The following GLRB variants were observed in gnomAD, a reference collection of about 807,000 sequenced individuals.
GLRB encodes glycine receptor beta.
GLRB carries 33 observed loss-of-function variants against 54.2 expected under a neutral mutation model. The observed-to-expected ratio is 0.61, with a 90% CI of 0.46 to 0.81. The LOEUF (loss-of-function observed/expected upper bound fraction) is 0.81. Among genes scored for constraint, GLRB ranks in the 40% least tolerant of loss-of-function variants. GLRB has a pLI of 0.00. For missense variants in GLRB, 572 were observed against 584.6 expected (o/e 0.98, Z 0.22); for synonymous variants, 209 against 208.2 (o/e 1.00, Z -0.03).
chr4:157,112,830 T>C (rs1241466086), intron 2 of GLRB, among the ~76,000 whole-genome samples: 1 of 151,954 alleles, frequency 6.6e-6, no homozygotes, highest in Non-Finnish European at 1.5e-5. Context: ...AGCTCTGAAC[T>C]GTAGGCAGCC....
In GLRB at chr4:157,152,784, C is replaced by T. The variant is rs868460883; in HGVS notation, c.971C>T (p.Ser324Phe). 1 of 1,613,658 alleles carries T rather than the reference C, an allele frequency of 6.2e-7. No individual in the cohort carries two copies. Among genetic ancestry groups the T allele is most frequent in the South Asian group, 1.1e-5 (1 of 91,064 alleles). ...CTTGCCGCTGAGCTTCCCAAAGTTTCCTATGTGAAGGCTCTTGATGTTTGG... is the reference window on the plus strand; with the variant it reads ...CTTGCCGCTGAGCTTCCCAAAGTTTTCTATGTGAAGGCTCTTGATGTTTGG... ...TTLAAELPKV[S>F]YVKALDVWLI... Residue 324 changes from serine to phenylalanine, a missense_variant, in exon 9 of 10, where the codon TCC becomes TTC. By Grantham distance (155) the Ser-to-Phe change is radical (BLOSUM62 -2). Coordinates refer to ENST00000264428, the MANE Select transcript of GLRB (RefSeq NM_000824.5).
intron 2 of GLRB, among the ~76,000 whole-genome samples, chr4:157,105,647 T>TTG (rs1735194983): frequency 6.6e-6 from 1 of 152,122 alleles, no homozygotes; most frequent in Non-Finnish European, 1.5e-5. Flanking sequence ...TTGCAGCCTA[T>TTG]TACTCTTATC....
chr4:157,145,858 T>G (rs1188041428), intron 8 of GLRB, among the ~76,000 whole-genome samples: 2 of 152,128 alleles, frequency 1.3e-5, no homozygotes, highest in Middle Eastern at 3.4e-3. Flanking sequence ...TCATCTGGGC[T>G]GCATTCCTGA....
intron 2 of GLRB, among the ~76,000 whole-genome samples, chr4:157,088,726 C>T (rs1579186182): frequency 1.3e-5 from 2 of 152,238 alleles, no homozygotes; most frequent in Middle Eastern, 6.8e-3. Flanking sequence ...CCCATCTCCC[C>T]ACTGTCTTCT....
At chr4:157,169,056 G>T (rs985615905) in intron 9 of GLRB, among the ~76,000 whole-genome samples, 1 of 151,878 alleles carries the variant, frequency 6.6e-6, no homozygotes, top group African/African-American at 2.4e-5. Flanking sequence ...GTACTGTTGA[G>T]GAAAGATTTG....
chr4:157,170,823 G>A lies in GLRB; in HGVS notation c.*95G>A. 1.5e-6 allele frequency: 1 copy of A among 677,740 alleles called. No homozygotes were observed. Among genetic ancestry groups the A allele is most frequent in the Non-Finnish European group, 2.4e-6 (1 of 414,338 alleles). 42.0% of individuals were successfully genotyped at this position (677,740 alleles called of 1,614,324 possible). ...CTGTGAGAACTTTTGAATTTTCATA[G>A]CAACATTGCATTTTGGATGCCATTT... On this transcript the variant is annotated 3_prime_UTR_variant, in exon 10 of 10. Coordinates refer to ENST00000264428, the MANE Select transcript of GLRB (RefSeq NM_000824.5).
Position 157,136,582 on chromosome 4 carries a change from T to A in GLRB, c.411T>A (p.Cys137Ter). The A allele has an allele frequency of 6.2e-7, 1 of 1,612,508 alleles. No individual in the cohort carries two copies. The highest frequency in any genetic ancestry group is 1.1e-5 in the South Asian group (1 of 91,036). ...CAGTGGATCCAACAATGTACAAGTG[T>A]TTATGGAAACCTGATTTATTTTTTG... Reference protein sequence around the residue: ...ALTVDPTMYKCLWKPDLFFAN... With the variant: ...ALTVDPTMYK Residue 137 changes from cysteine to a stop codon, truncating the protein, a stop_gained, in exon 5 of 10, where the codon TGT becomes TGA. Coordinates refer to ENST00000264428, the MANE Select transcript of GLRB (RefSeq NM_000824.5). LOFTEE classifies it high-confidence loss of function.
intron 9 of GLRB, among the ~76,000 whole-genome samples, chr4:157,164,543 C>G (rs1424155238): frequency 6.6e-6 from 1 of 152,098 alleles, no homozygotes; most frequent in African/African-American, 2.4e-5. Context: ...CTGGTAATCC[C>G]TACGATCAGC....
intron 9 of GLRB, among the ~76,000 whole-genome samples, chr4:157,161,797 C>G (rs1737505487): frequency 6.6e-6 from 1 of 152,152 alleles, no homozygotes; most frequent in South Asian, 2.1e-4. Context: ...GTGAATCTGA[C>G]AATTATGTGT....
chr4:157,114,801 C>T (rs914436697), intron 2 of GLRB, among the ~76,000 whole-genome samples: 3 of 151,854 alleles, frequency 2.0e-5, no homozygotes, highest in Middle Eastern at 3.4e-3. Flanking sequence ...GGAAGACCCG[C>T]GGGTTAAAAT....
intron 2 of GLRB, among the ~76,000 whole-genome samples, chr4:157,119,425 C>CA (rs1459372973): frequency 6.6e-6 from 1 of 151,384 alleles, no homozygotes; most frequent in Admixed American, 6.6e-5. Context: ...ACACATTGTT[C>CA]AAAAAATGTT....
chr4:157,086,341 A>T (rs1479713363), intron 2 of GLRB, among the ~76,000 whole-genome samples: 1 of 152,218 alleles, frequency 6.6e-6, no homozygotes, highest in Non-Finnish European at 1.5e-5. Flanking sequence ...CTGAATTAAT[A>T]GTGGTGTGGC....
At chr4:157,115,124 G>A (rs1409998194) in intron 2 of GLRB, among the ~76,000 whole-genome samples, 1 of 151,640 alleles carries the variant, frequency 6.6e-6, no homozygotes, top group African/African-American at 2.4e-5. Flanking sequence ...TATGGACTCT[G>A]GAATTTTTAT....
intron 8 of GLRB, among the ~76,000 whole-genome samples, chr4:157,146,154 T>C (rs1011638358): frequency 1.3e-5 from 2 of 151,764 alleles, no homozygotes; most frequent in African/African-American, 2.4e-5. Context: ...ATAGCTGGGA[T>C]TACAGGCACC....
intron 4 of GLRB, 50 bp downstream of exon 4, chr4:157,122,447 A>G: frequency 1.4e-6 from 1 of 703,074 alleles, no homozygotes; most frequent in Non-Finnish European, 2.6e-6. Context: ...AATAGAGGAG[A>G]TAGTGAAAGT....
At chr4:157,149,503 TA>T (rs1361952192) in intron 8 of GLRB, among the ~76,000 whole-genome samples, 2 of 152,136 alleles carry the variant, frequency 1.3e-5, no homozygotes, top group Non-Finnish European at 2.9e-5. Context: ...ATACTTTTTT[TA>T]ACAAATAACT....
chr4:157,105,008 A>T (rs1735168522), intron 2 of GLRB, among the ~76,000 whole-genome samples: 1 of 151,356 alleles, frequency 6.6e-6, no homozygotes, highest in Non-Finnish European at 1.5e-5. Context: ...TATGAATTTT[A>T]TTTAAAAATT....
chr4:157,102,332 C>T (rs1012858614), intron 2 of GLRB, among the ~76,000 whole-genome samples: 3 of 152,164 alleles, frequency 2.0e-5, no homozygotes, highest in Non-Finnish European at 4.4e-5. Flanking sequence ...TCTTCAATGG[C>T]AACTCCCCAT....
At chr4:157,155,813 T>G (rs533697302) in intron 9 of GLRB, among the ~76,000 whole-genome samples, 1 of 152,320 alleles carries the variant, frequency 6.6e-6, no homozygotes, top group Admixed American at 6.5e-5. Context: ...CTCAGCTTGT[T>G]GAAAATATAG....
Sources: allele counts gnomAD v4.1 joint callset (sites outside exome capture counted in the v4.1 genomes callset), GRCh38; gene constraint gnomAD v4.1.1; transcripts MANE v1.5; gene names NCBI Gene and HGNC (gene_info 2026-07-23, HGNC 2026-07-21).